Variants in VSTM5 observed in about 807,000 individuals in gnomAD.
The protein encoded by VSTM5 is V-set and transmembrane domain-containing protein 5.
A neutral mutation model predicts 20.3 loss-of-function variants in VSTM5; 21 were observed. That is an observed-to-expected ratio of 1.03 (90% CI 0.73 to 1.49). The LOEUF (loss-of-function observed/expected upper bound fraction) is 1.49, where lower values mean the gene tolerates loss of function less well. Among genes scored for constraint, VSTM5 ranks in the 40% most tolerant of loss-of-function variants. VSTM5 has a pLI of 0.00. For missense variants in VSTM5, 219 were observed against 250.0 expected (o/e 0.88, Z 0.84); for synonymous variants, 100 against 102.5 (o/e 0.98, Z 0.14).
At position 93,820,463 on chromosome 11, in the gene VSTM5, C is replaced by T. The variant is rs761649507; in HGVS notation, c.*106G>A. ...TAATCTCCCACTGTCCTGTTAGGAG[C>T]GGGCTGCAACAGGACCACACACAAT... On this transcript the variant is annotated 3_prime_UTR_variant, in exon 4 of 4. Coordinates refer to ENST00000409977, the MANE Select transcript of VSTM5 (RefSeq NM_001144871.2). 1.8e-5 allele frequency: 22 copies of T among 1,202,282 alleles called. No individual in the cohort carries two copies. The highest frequency in any genetic ancestry group is 7.6e-5 in the African/African-American group (5 of 66,212). The allele number at this position is 1,202,282 out of a possible 1,614,324, so 74.5% of individuals were successfully genotyped here.
chr11:93,820,944 C>T, intron 2 of VSTM5, 53 bp downstream of exon 2: 2 of 1,550,488 alleles, frequency 1.3e-6, no homozygotes, highest in Non-Finnish European at 1.7e-6. Context: ...GTGAAATTGG[C>T]CTCCCACACA....
rs182998917 is a variant in VSTM5, at chr11:93,822,627, G to A, written c.92-1304C>T. Among the ~76,000 whole-genome samples the A allele has an allele frequency of 4.6e-5, 7 of 152,176 alleles. No individual in the cohort carries two copies. In the East Asian group the frequency reaches 1.2e-3, roughly 25 times the overall value. ...CTATCTGAGCTGGGATTACAGGCATGTGCCACCATGCCAGGCTAAATTTTT... is the reference window on the plus strand; with the variant it reads ...CTATCTGAGCTGGGATTACAGGCATATGCCACCATGCCAGGCTAAATTTTT... On this transcript the variant is annotated intron_variant, in intron 1 of 3. Transcript: ENST00000409977.
At chr11:93,826,333 C>T (rs1430104066) in intron 1 of VSTM5, among the ~76,000 whole-genome samples, 1 of 152,076 alleles carries the variant, frequency 6.6e-6, no homozygotes, top group African/African-American at 2.4e-5. Flanking sequence ...TTTTCTTCTG[C>T]TCTTCTTTTT....
chr11:93,822,077 A>G (rs1944191563), intron 1 of VSTM5: 1 of 152,052 alleles, frequency 6.6e-6, no homozygotes, highest in Non-Finnish European at 1.5e-5. Flanking sequence ...TATAATTATT[A>G]TCTTTTATTT....
At chr11:93,835,398 G>A (rs66887806) in intron 1 of VSTM5, among the ~76,000 whole-genome samples, 24,655 of 151,834 alleles carry the variant, frequency 0.16, 2,345 homozygotes, top group African/African-American at 0.27. Flanking sequence ...TCTGAAGTCT[G>A]GGCAAAAGAA....
chr11:93,843,696 C>T (rs1944389889), intron 1 of VSTM5, among the ~76,000 whole-genome samples: 1 of 152,164 alleles, frequency 6.6e-6, no homozygotes, highest in African/African-American at 2.4e-5. Flanking sequence ...GAGATACTGG[C>T]TTTTCATCTC....
intron 1 of VSTM5, among the ~76,000 whole-genome samples, chr11:93,843,485 AATGT>A (rs748485195): frequency 6.7e-6 from 1 of 150,332 alleles, no homozygotes; most frequent in East Asian, 1.9e-4. Context: ...TGAATGAATG[AATGT>A]CTTTAGGCAA....
intron 1 of VSTM5, among the ~76,000 whole-genome samples, chr11:93,823,462 C>T (rs12365945): frequency 1.9e-4 from 29 of 152,320 alleles, no homozygotes; most frequent in Admixed American, 3.9e-4. Context: ...TCACCACTCA[C>T]GCTGAACATT....
At chr11:93,837,378 ACATGCATGTGCATG>A in intron 1 of VSTM5, among the ~76,000 whole-genome samples, 1 of 152,188 alleles carries the variant, frequency 6.6e-6, no homozygotes, top group Non-Finnish European at 1.5e-5. Flanking sequence ...TGTATCACAC[ACATGCATGTGCATG>A]CACCCATGCT....
chr11:93,836,705 A>C (rs1358173225), intron 1 of VSTM5, among the ~76,000 whole-genome samples: 1 of 152,184 alleles, frequency 6.6e-6, no homozygotes, highest in African/African-American at 2.4e-5. Context: ...ACAGTTTGTA[A>C]GTATACACTT....
chr11:93,842,202 C>T (rs922091862), intron 1 of VSTM5, among the ~76,000 whole-genome samples: 2 of 152,120 alleles, frequency 1.3e-5, no homozygotes, highest in Non-Finnish European at 1.5e-5. Flanking sequence ...TAATGATCTC[C>T]CCATCCTTGG....
In VSTM5 at chr11:93,829,434, A is replaced by G. The variant is rs551499351; in HGVS notation, c.92-8111T>C. The stretch of plus-strand genomic sequence containing the variant: ...TCCCAGCTACTTGGGAGGCTGAGGC[A>G]CGAGAATCGCTTGAACCTGGGAGGC... On this transcript the variant is annotated intron_variant, in intron 1 of 3. Transcript: ENST00000409977. Among the ~76,000 whole-genome samples, 25 of 152,326 alleles carry G rather than the reference A, an allele frequency of 1.6e-4. 1 individual carries two copies. In the East Asian group the frequency reaches 3.3e-3, roughly 20 times the overall value.
intron 1 of VSTM5, among the ~76,000 whole-genome samples, chr11:93,843,294 C>T (rs770499937): frequency 1.3e-5 from 2 of 152,118 alleles, no homozygotes; most frequent in Non-Finnish European, 2.9e-5. Flanking sequence ...CTGTTTCTCT[C>T]CAGCAACACA....
chr11:93,821,420 T>C lies in VSTM5; in HGVS notation c.92-97A>G, dbSNP rs555402605. The C allele has an allele frequency of 2.8e-5, 33 of 1,166,212 alleles. No homozygotes were observed. The East Asian group carries it at 7.4e-4, about 26-fold the overall frequency. The allele number at this position is 1,166,212 out of a possible 1,614,324, so 72.2% of individuals were successfully genotyped here. The stretch of plus-strand genomic sequence containing the variant: ...TGATCTATTACACAAATATTTATTG[T>C]GTGCCTATTATATGCCAGGAACTGT... On this transcript the variant is annotated intron_variant, in intron 1 of 3. Coordinates refer to ENST00000409977, the MANE Select transcript of VSTM5 (RefSeq NM_001144871.2).
At chr11:93,841,821 T>G (rs916427655) in intron 1 of VSTM5, among the ~76,000 whole-genome samples, 3 of 152,162 alleles carry the variant, frequency 2.0e-5, no homozygotes, top group African/African-American at 7.2e-5. Flanking sequence ...ATGCAGTCAT[T>G]AACAGAACCA....
In VSTM5 at chr11:93,819,795, G is replaced by T. The variant is rs193296234; in HGVS notation, c.*774C>A. ...CAGGTGCTGCCCATAATGGAGATGA[G>T]CTGTTGTTTTACTTACAATGGCCTA... On this transcript the variant is annotated 3_prime_UTR_variant, in exon 4 of 4. Transcript: ENST00000409977. The T allele has an allele frequency of 2.1e-3, 322 of 152,382 alleles. 3 individuals carry two copies. The highest frequency in any genetic ancestry group is 3.4e-3 in the Non-Finnish European group (231 of 68,062). 9.4% of individuals were successfully genotyped at this position (152,382 alleles called of 1,614,324 possible). A position where few individuals can be genotyped will look rare whatever the true frequency, so the allele number is the denominator to read the frequency against.
At chr11:93,846,782 T>TTG (rs1555039422) in intron 1 of VSTM5, among the ~76,000 whole-genome samples, 3,489 of 147,052 alleles carry the variant, frequency 0.024, 120 homozygotes, top group African/African-American at 0.075. Context: ...TTTTTTTTTT[T>TTG]TTTGAGATGG....
intron 1 of VSTM5, among the ~76,000 whole-genome samples, chr11:93,827,337 C>G (rs1944247205): frequency 6.6e-6 from 1 of 152,162 alleles, no homozygotes; most frequent in South Asian, 2.1e-4. Flanking sequence ...GAGCCGAGAT[C>G]GTGCCACTGC....
At chr11:93,828,476 T>A (rs1426789718) in intron 1 of VSTM5, among the ~76,000 whole-genome samples, 8 of 152,228 alleles carry the variant, frequency 5.3e-5, no homozygotes, top group Admixed American at 2.6e-4. Flanking sequence ...TTCGTTTTTT[T>A]AAAAATCGAT....
Sources: allele counts gnomAD v4.1 joint callset (sites outside exome capture counted in the v4.1 genomes callset), GRCh38; gene constraint gnomAD v4.1.1; transcripts MANE v1.5; gene names NCBI Gene and HGNC (gene_info 2026-07-23, HGNC 2026-07-21).